HNRNPUL2: variants seen among roughly 807,000 people sequenced by gnomAD.
HNRNPUL2 encodes heterogeneous nuclear ribonucleoprotein U-like protein 2.
HNRNPUL2 carries 27 observed loss-of-function variants against 102.2 expected under a neutral mutation model. That is an observed-to-expected ratio of 0.26 (90% CI 0.19 to 0.36). The LOEUF is 0.36. Among genes scored for constraint, HNRNPUL2 ranks in the 10% least tolerant of loss-of-function variants. HNRNPUL2 has a pLI of 1.00. For synonymous variants in HNRNPUL2, 458 were observed against 387.2 expected, an observed-to-expected ratio of 1.18 and a Z score of -2.15; for missense variants, 936 against 981.1, an observed-to-expected ratio of 0.95 and a Z score of 0.61.
Position 62,726,767 on chromosome 11 carries a change from C to G in HNRNPUL2, c.390G>C (p.Lys130Asn). The G allele has an allele frequency of 3.7e-6, 6 of 1,601,170 alleles. No individual in the cohort carries two copies. Among genetic ancestry groups the G allele is most frequent in the Non-Finnish European group, 5.1e-6 (6 of 1,179,524 alleles). ...CTGACCCGGCCGTGGCCTCCGCCGG[C>G]TTCTCGGAAGCATCTGGCTCGGCCG... ...EAAAEPDASE[K>N]PAEATAGSGG... Residue 130 changes from lysine (K) to asparagine (N), a missense_variant, in exon 1 of 14, where the codon AAG becomes AAC. By Grantham distance (94) the Lys-to-Asn change is moderately conservative (BLOSUM62 0). Around this residue, in one of 2 missense-constraint regions of HNRNPUL2, gnomAD observed 327 missense variants for 268.1 expected, o/e 1.22. Transcript: ENST00000301785.
chr11:62,721,744 A>T (rs887341870), intron 8 of HNRNPUL2, 76 bp downstream of exon 8: 2 of 1,489,272 alleles, frequency 1.3e-6, no homozygotes, highest in Non-Finnish European at 1.9e-6. Flanking sequence ...CAGACACTTG[A>T]GACTAATTCT....
Position 62,715,581 on chromosome 11 carries a change from G to A in HNRNPUL2, c.2082C>T (p.Tyr694=). The A allele has an allele frequency of 1.9e-6, 3 of 1,612,676 alleles. No individual in the cohort carries two copies. The highest frequency in any genetic ancestry group is 1.7e-6 in the Non-Finnish European group (2 of 1,178,886). ...RGGYRNFYDR[Y]RGDYDRFYGR... ...CGTAAAATCGATCATAGTCTCCCCT[G>A]TATCGATCATAGAAATTACGGTAAC... is the stretch of plus-strand genomic sequence containing the variant. Residue 694 remains tyrosine, a synonymous_variant, in exon 13 of 14, where the codon TAC becomes TAT. Coordinates refer to ENST00000301785, the MANE Select transcript of HNRNPUL2 (RefSeq NM_001079559.3).
chr11:62,715,460 G>GCCC, intron 13 of HNRNPUL2, 40 bp downstream of exon 13: 1 of 1,574,538 alleles, frequency 6.4e-7, no homozygotes, highest in Non-Finnish European at 8.7e-7. Flanking sequence ...TTCTGCTCCT[G>GCCC]CCCCCCTTCA....
chr11:62,715,426 G>A lies in HNRNPUL2; in HGVS notation c.2164-47C>T, dbSNP rs765366902. The stretch of plus-strand genomic sequence containing the variant: ...TCACTTGGAGCCAGAGCTGGCTGAG[G>A]ATGAAGAGGCATAACACTCATCCTT... On this transcript the variant is annotated intron_variant, in intron 13 of 13. Coordinates refer to ENST00000301785, the MANE Select transcript of HNRNPUL2 (RefSeq NM_001079559.3). 4 of 1,591,884 alleles carry A rather than the reference G, an allele frequency of 2.5e-6. 1 individual carries two copies. Among genetic ancestry groups the A allele is most frequent in the South Asian group, 2.2e-5 (2 of 90,614 alleles).
chr11:62,724,283 T>C lies in HNRNPUL2; in HGVS notation c.674+8A>G. The C allele has an allele frequency of 6.2e-7, 1 of 1,614,104 alleles. No homozygotes were observed. The highest frequency in any genetic ancestry group is 1.1e-5 in the South Asian group (1 of 91,082). ...ACTCCCTTCAACGAAAGGGACTGTTTCCCTCACCGGCTGTGGTAAGCCTCC... is the reference window on the plus strand; with the variant it reads ...ACTCCCTTCAACGAAAGGGACTGTTCCCCTCACCGGCTGTGGTAAGCCTCC... On this transcript the variant is annotated splice_region_variant and intron_variant, in intron 2 of 13. Transcript: ENST00000301785.
intron 10 of HNRNPUL2, 121 bp downstream of exon 10, chr11:62,719,902 C>T: frequency 3.3e-6 from 3 of 900,768 alleles, no homozygotes; most frequent in Non-Finnish European, 5.2e-6. Flanking sequence ...TCACCAGATG[C>T]TAATGCTATG....
At position 62,727,237 on chromosome 11, in the gene HNRNPUL2, C is replaced by A; in HGVS notation, c.-81G>T. On this transcript the variant is annotated 5_prime_UTR_variant, in exon 1 of 14. Coordinates refer to ENST00000301785, the MANE Select transcript of HNRNPUL2 (RefSeq NM_001079559.3). ...GAGTCCGACCGCGCAGGCGCCGCCG[C>A]CGCCGCCCGCCTCCGCCTCACGCGC... 7.7e-7 allele frequency: 1 copy of A among 1,303,648 alleles called. No individual in the cohort carries two copies. The highest frequency in any genetic ancestry group is 9.7e-7 in the Non-Finnish European group (1 of 1,030,120). The allele number at this position is 1,303,648 out of a possible 1,614,324, so 80.8% of individuals were successfully genotyped here.
chr11:62,722,866 T>C lies in HNRNPUL2; in HGVS notation c.929A>G (p.Glu310Gly). Reference protein sequence around the residue: ...QNLPMKEGCTEVSLLRVGWSV... With the variant: ...QNLPMKEGCTGVSLLRVGWSV... The stretch of plus-strand genomic sequence containing the variant: ...CCACCCAACTCGAAGGAGAGAGACC[T>C]CTGTGCAGCCTTCTTTCATTGGGAG... Residue 310 changes from glutamate to glycine, a missense_variant, in exon 5 of 14, where the codon GAG becomes GGG. Coordinates refer to ENST00000301785, the MANE Select transcript of HNRNPUL2 (RefSeq NM_001079559.3). 2 of 1,614,166 alleles carry C rather than the reference T, an allele frequency of 1.2e-6. No individual in the cohort carries two copies. The highest frequency in any genetic ancestry group is 1.7e-6 in the Non-Finnish European group (2 of 1,180,034).
In HNRNPUL2 at chr11:62,713,670, GGGA is replaced by G. The variant is rs1171705966; in HGVS notation, c.*1626_*1628del. ...ACAAGGGCTGCAGGGCAGTAACAGT[GGGA>G]GGAGGAGAGGAAGACCAAATCAGCC... is the stretch of plus-strand genomic sequence containing the variant. On this transcript the variant is annotated 3_prime_UTR_variant, in exon 14 of 14. Transcript: ENST00000301785. The G allele has an allele frequency of 1.1e-4, 16 of 152,326 alleles. No homozygotes were observed. Among genetic ancestry groups the G allele is most frequent in the Non-Finnish European group, 1.8e-4 (12 of 68,130 alleles). 9.4% of individuals were successfully genotyped at this position (152,326 alleles called of 1,614,324 possible). A position where few individuals can be genotyped will look rare whatever the true frequency, so the allele number is the denominator to read the frequency against.
In HNRNPUL2 at chr11:62,722,234, G is replaced by C; in HGVS notation, c.1242C>G (p.Phe414Leu). ...GGAAGAAGGGCTCCTCCTTCTGACC[G>C]AAGTTTAATTCTACAACACAATTTT... ...LCKNCVVELN[F>L]GQKEEPFFPP... is the part of the protein sequence containing the mutation. The change falls in exon 7 of 14, where the codon TTC becomes TTG. Residue 414 changes from phenylalanine (F) to leucine (L), a missense_variant. Phe to Leu is a conservative substitution (Grantham distance 22). Coordinates refer to ENST00000301785, the MANE Select transcript of HNRNPUL2 (RefSeq NM_001079559.3). The C allele has an allele frequency of 6.2e-7, 1 of 1,614,152 alleles. No individual in the cohort carries two copies. The highest frequency in any genetic ancestry group is 1.1e-5 in the South Asian group (1 of 91,078).
chr11:62,716,240 G>A (rs2083659137), intron 11 of HNRNPUL2, among the ~76,000 whole-genome samples: 1 of 152,146 alleles, frequency 6.6e-6, no homozygotes, highest in African/African-American at 2.4e-5. Flanking sequence ...AGGAAAAACT[G>A]CCATTCATAG....
chr11:62,725,799 G>C (rs1246746940), intron 1 of HNRNPUL2, among the ~76,000 whole-genome samples: 4 of 152,106 alleles, frequency 2.6e-5, no homozygotes, highest in African/African-American at 9.7e-5. Flanking sequence ...ACTCCCTGGG[G>C]CGATTCTACA....
At chr11:62,718,768 A>G (rs2083679132) in intron 10 of HNRNPUL2, among the ~76,000 whole-genome samples, 1 of 151,724 alleles carries the variant, frequency 6.6e-6, no homozygotes, top group African/African-American at 2.4e-5. Context: ...TTACTTAACA[A>G]ATAACTGATT....
intron 11 of HNRNPUL2, among the ~76,000 whole-genome samples, chr11:62,716,287 C>A (rs919057471): frequency 1.3e-5 from 2 of 152,142 alleles, no homozygotes; most frequent in African/African-American, 4.8e-5. Context: ...TTTCAGATAT[C>A]GTATAACCCA....
At chr11:62,725,259 G>A (rs1452194583) in intron 1 of HNRNPUL2, among the ~76,000 whole-genome samples, 2 of 152,098 alleles carry the variant, frequency 1.3e-5, no homozygotes, top group African/African-American at 4.8e-5. Flanking sequence ...GTGTAGTGGC[G>A]CGATCTCAGC....
At chr11:62,724,493 T>TA (rs1418971553) in intron 1 of HNRNPUL2, 67 bp from the exon 2 acceptor site, 1 of 1,554,736 alleles carries the variant, frequency 6.4e-7, no homozygotes, top group African/African-American at 1.4e-5. Flanking sequence ...TCACAACTAA[T>TA]AGACACTAAC....
chr11:62,726,537 C>A (rs2083748920), intron 1 of HNRNPUL2, 82 bp downstream of exon 1: 20 of 1,357,240 alleles, frequency 1.5e-5, no homozygotes, highest in African/African-American at 6.0e-5. Flanking sequence ...AACAAGGACT[C>A]GGACCCTGCG....
rs200608017 is a variant in HNRNPUL2 at position 62,721,322 on chromosome 11, C to T, written c.1584G>A (p.Arg528=). 1.2e-4 allele frequency: 195 copies of T among 1,607,500 alleles called. No individual in the cohort carries two copies. Among genetic ancestry groups the T allele is most frequent in the Middle Eastern group, 3.3e-4 (2 of 6,046 alleles). Reference sequence around the variant, plus strand: ...GATCAAGAATAAAGTTCCTCTTTGTCCGGGAAGCAATCTGGACCAGCTTAC... The same window carrying T: ...GATCAAGAATAAAGTTCCTCTTTGTTCGGGAAGCAATCTGGACCAGCTTAC... ...CLSKLVQIAS[R]TKRNFILDQC... The change falls in exon 9 of 14, where the codon CGG becomes CGA. Residue 528 remains arginine, a synonymous_variant. Coordinates refer to ENST00000301785, the MANE Select transcript of HNRNPUL2 (RefSeq NM_001079559.3).
chr11:62,719,790 T>C (rs1360800552), intron 10 of HNRNPUL2, among the ~76,000 whole-genome samples: 1 of 152,150 alleles, frequency 6.6e-6, no homozygotes, highest in Non-Finnish European at 1.5e-5. Context: ...AATAGATTAA[T>C]GCCATTATTG....
Sources: allele counts gnomAD v4.1 joint callset (sites outside exome capture counted in the v4.1 genomes callset), GRCh38; gene constraint gnomAD v4.1.1; regional missense constraint gnomAD v4.1.1; transcripts MANE v1.5; gene names NCBI Gene and HGNC (gene_info 2026-07-23, HGNC 2026-07-21).